Variants in EXT1 observed in about 807,000 individuals in gnomAD.
EXT1 encodes exostosin-1.
EXT1 carries 20 observed loss-of-function variants against 82.5 expected under a neutral mutation model. The ratio of observed to expected loss-of-function variants is 0.24; its 90% CI spans 0.17 to 0.35. EXT1 has a LOEUF of 0.35. EXT1 is among the 10% of genes least tolerant of loss of function. The pLI is 1.00. For missense variants in EXT1, 757 were observed against 936.5 expected (o/e 0.81, Z 2.50); for synonymous variants, 348 against 350.8 (o/e 0.99, Z 0.09).
intron 1 of EXT1, among the ~76,000 whole-genome samples, chr8:117,880,077 T>C (rs999436934): frequency 6.6e-6 from 1 of 152,168 alleles, no homozygotes; most frequent in African/African-American, 2.4e-5. Flanking sequence ...TCCCTTACCA[T>C]GTGGGAATTT....
intron 1 of EXT1, among the ~76,000 whole-genome samples, chr8:118,084,354 GC>G (rs1176474899): frequency 6.6e-6 from 1 of 152,176 alleles, no homozygotes; most frequent in Non-Finnish European, 1.5e-5. Context: ...TTATCACAGA[GC>G]ACAAAGTCTG....
At chr8:118,076,603 G>A (rs1180140026) in intron 1 of EXT1, among the ~76,000 whole-genome samples, 1 of 152,332 alleles carries the variant, frequency 6.6e-6, no homozygotes, top group Admixed American at 6.5e-5. Context: ...AGTATCTTAT[G>A]AATTCCTCAG....
At chr8:117,918,315 A>G (rs1813792657) in intron 1 of EXT1, among the ~76,000 whole-genome samples, 1 of 152,210 alleles carries the variant, frequency 6.6e-6, no homozygotes, top group African/African-American at 2.4e-5. Flanking sequence ...CATTAGGAAT[A>G]TTATAGATTC....
intron 1 of EXT1, among the ~76,000 whole-genome samples, chr8:117,955,135 G>A (rs769421581): frequency 3.9e-5 from 6 of 152,162 alleles, no homozygotes; most frequent in Non-Finnish European, 5.9e-5. Context: ...GGTACACTGT[G>A]TGATGTCCAG....
Position 118,106,651 on chromosome 8 carries a change from T to C in EXT1, c.962+3434A>G, listed in dbSNP as rs540866767. ...AAGCCACCTCTCCTTTCCCTCTCTTTCTTCTATTTCAAATAGCTGAATCTA... is the reference window on the plus strand; with the variant it reads ...AAGCCACCTCTCCTTTCCCTCTCTTCCTTCTATTTCAAATAGCTGAATCTA... On this transcript the variant is annotated intron_variant, in intron 1 of 10. Transcript: ENST00000378204. 2.0e-5 allele frequency among the ~76,000 whole-genome samples: 3 copies of C among 152,376 alleles called. No homozygotes were observed. The East Asian group carries it at 5.8e-4, about 29-fold the overall frequency.
At chr8:118,075,801 T>A (rs1446754766) in intron 1 of EXT1, among the ~76,000 whole-genome samples, 1 of 150,412 alleles carries the variant, frequency 6.6e-6, no homozygotes, top group African/African-American at 2.5e-5. Flanking sequence ...CAAGAGAGAG[T>A]AGGGGAGAGG....
intron 1 of EXT1, among the ~76,000 whole-genome samples, chr8:117,861,189 CAG>C (rs1310866415): frequency 1.3e-5 from 2 of 152,178 alleles, no homozygotes; most frequent in Non-Finnish European, 2.9e-5. Flanking sequence ...AGTAGAATGT[CAG>C]AAAGGCTATC....
chr8:118,064,621 T>C lies in EXT1; in HGVS notation c.962+45464A>G, dbSNP rs574659128. Among the ~76,000 whole-genome samples the C allele has an allele frequency of 3.9e-5, 6 of 152,326 alleles. No homozygotes were observed. In the South Asian group the frequency reaches 8.3e-4, roughly 21 times the overall value. On this transcript the variant is annotated intron_variant, in intron 1 of 10. Coordinates refer to ENST00000378204, the MANE Select transcript of EXT1 (RefSeq NM_000127.3). ...GGTTCCAAGTCTTTGCTATTGTGAA[T>C]AGTGCTGCAATAAACATAAGTGTGC...
chr8:117,959,074 T>TTAGTTGG (rs1414524124), intron 1 of EXT1, among the ~76,000 whole-genome samples: 1 of 152,208 alleles, frequency 6.6e-6, no homozygotes, highest in Admixed American at 6.5e-5. Context: ...GAGGTCCAAC[T>TTAGTTGG]CCACACTTCC....
chr8:117,999,869 C>T (rs1355514998), intron 1 of EXT1, among the ~76,000 whole-genome samples: 1 of 152,066 alleles, frequency 6.6e-6, no homozygotes, highest in South Asian at 2.1e-4. Flanking sequence ...GAACATAAAC[C>T]TCAGAGCTGA....
intron 1 of EXT1, among the ~76,000 whole-genome samples, chr8:117,975,925 T>C (rs1815056538): frequency 6.6e-6 from 1 of 152,226 alleles, no homozygotes; most frequent in Admixed American, 6.5e-5. Context: ...TCGACGCTTA[T>C]ATTAGTTTTT....
chr8:118,059,655 G>C (rs867399605), intron 1 of EXT1, among the ~76,000 whole-genome samples: 17 of 152,172 alleles, frequency 1.1e-4, no homozygotes, highest in Non-Finnish European at 2.5e-4. Flanking sequence ...CTGCAGTTCT[G>C]ACCTGCCCAA....
chr8:117,888,559 C>T (rs540025312), intron 1 of EXT1, among the ~76,000 whole-genome samples: 26 of 152,168 alleles, frequency 1.7e-4, no homozygotes, highest in Non-Finnish European at 3.5e-4. Context: ...TATAAATGGC[C>T]TAGAGAAAGC....
At chr8:118,092,535 C>T (rs1817540662) in intron 1 of EXT1, among the ~76,000 whole-genome samples, 1 of 152,184 alleles carries the variant, frequency 6.6e-6, no homozygotes, top group African/African-American at 2.4e-5. Context: ...CAGCCACTGA[C>T]TTACTGCCCC....
intron 1 of EXT1, among the ~76,000 whole-genome samples, chr8:118,081,178 C>A (rs1317855145): frequency 6.6e-6 from 1 of 152,140 alleles, no homozygotes; most frequent in African/African-American, 2.4e-5. Context: ...AAAAGGATAT[C>A]AAATACTCAT....
At chr8:118,084,958 A>T (rs1284932632) in intron 1 of EXT1, among the ~76,000 whole-genome samples, 2 of 152,250 alleles carry the variant, frequency 1.3e-5, no homozygotes, top group East Asian at 3.8e-4. Flanking sequence ...CTGGGGGCCT[A>T]AAGCCCAGTG....
intron 1 of EXT1, among the ~76,000 whole-genome samples, chr8:118,035,828 G>A (rs964093356): frequency 1.3e-5 from 2 of 152,164 alleles, no homozygotes; most frequent in Non-Finnish European, 2.9e-5. Flanking sequence ...TTAAAAAAAG[G>A]TTTACATGAT....
intron 1 of EXT1, among the ~76,000 whole-genome samples, chr8:117,916,291 CAG>C (rs1563600132): frequency 6.6e-6 from 1 of 152,112 alleles, no homozygotes; most frequent in Non-Finnish European, 1.5e-5. Context: ...TCTCTTCTAC[CAG>C]AGGTGTGTTA....
chr8:117,802,457 G>A (rs1174179470), intron 10 of EXT1, among the ~76,000 whole-genome samples: 1 of 152,034 alleles, frequency 6.6e-6, no homozygotes, highest in Admixed American at 6.6e-5. Flanking sequence ...TACCTTTTCT[G>A]TATTTAGAAA....
Sources: allele counts gnomAD v4.1 joint callset (sites outside exome capture counted in the v4.1 genomes callset), GRCh38; gene constraint gnomAD v4.1.1; transcripts MANE v1.5; gene names NCBI Gene and HGNC (gene_info 2026-07-23, HGNC 2026-07-21).